Variants in NBPF19 observed in about 807,000 individuals in gnomAD.
NBPF19 encodes the protein NBPF family member NBPF19.
NBPF19 carries 30 observed loss-of-function variants against 45.9 expected under a neutral mutation model. The observed-to-expected ratio is 0.65, with a 90% confidence interval of 0.49 to 0.89. The LOEUF is 0.89. Among genes scored for constraint, NBPF19 ranks in the 40% least tolerant of loss-of-function variants. The pLI, the probability that NBPF19 is intolerant of heterozygous loss-of-function variation, is 0.00. For missense variants in NBPF19, 495 were observed against 471.8 expected (o/e 1.05, Z -0.46); for synonymous variants, 183 against 181.2 (o/e 1.01, Z -0.08).
At position 149,554,638 on chromosome 1, in the gene NBPF19, A is replaced by T; in HGVS notation, c.11432A>T (p.Glu3811Val). The change falls in exon 94 of 94, where the codon GAG (glutamate) becomes GTG (valine). Residue 3811 changes from glutamate to valine, a missense_variant. By Grantham distance (121) the Glu-to-Val change is moderately radical. Around this residue, in one of 8 missense-constraint regions of NBPF19, gnomAD observed 248 missense variants for 95.4 expected, o/e 2.60. Transcript: ENST00000651566. ...AGTGTGTTTTACTCATTTGAGGAAG[A>T]GCATATCAGCTTCGCCCTTTACTTG... ...YRSVFYSFEEEHISFALYLDN... is the reference protein window; with the variant it reads ...YRSVFYSFEEVHISFALYLDN... The T allele has an allele frequency of 6.2e-7, 1 of 1,608,356 alleles. No homozygotes were observed. The highest frequency in any genetic ancestry group is 8.5e-7 in the Non-Finnish European group (1 of 1,176,782).
chr1:149,554,261 C>G (rs2087149825), intron 93 of NBPF19, among the ~76,000 whole-genome samples: 2 of 151,820 alleles, frequency 1.3e-5, no homozygotes, highest in African/African-American at 4.8e-5. Context: ...TTCACTAGGT[C>G]ACTTTCTCTC....
Position 149,554,511 on chromosome 1 carries a change from A to T in NBPF19, c.11305A>T (p.Met3769Leu), listed in dbSNP as rs1297848870. The T allele has an allele frequency of 1.7e-5, 27 of 1,607,992 alleles. 2 individuals carry two copies. In the African/African-American group the frequency reaches 2.4e-4, roughly 14 times the overall value. The change falls in exon 94 of 94, where the codon ATG (methionine) becomes TTG (leucine). Residue 3769 changes from methionine to leucine, a missense_variant. Around this residue, in one of 8 missense-constraint regions of NBPF19, gnomAD observed 248 missense variants for 95.4 expected, o/e 2.60. Coordinates refer to ENST00000651566, the MANE Select transcript of NBPF19 (RefSeq NM_001351365.2). Reference protein sequence around the residue: ...PPCPRLNSVLMEVEEPEVLQD... With the variant: ...PPCPRLNSVLLEVEEPEVLQD... ...CTTTTCCAGGCTCAACAGCGTGCTG[A>T]TGGAAGTGGAAGAGCCTGAAGTCTT...
chr1:149,482,582 T>C (rs2085261502), intron 7 of NBPF19, among the ~76,000 whole-genome samples: 1 of 152,154 alleles, frequency 6.6e-6, no homozygotes. Context: ...TGCTAGCTTT[T>C]GAATTTGTTT....
intron 13 of NBPF19, among the ~76,000 whole-genome samples, chr1:149,490,888 C>G (rs2085821823): frequency 7.8e-6 from 1 of 127,448 alleles, no homozygotes; most frequent in African/African-American, 3.1e-5. Context: ...CTCGTTCTCT[C>G]TCTCTCTCTC....
rs1278229426 is a variant in NBPF19, at chr1:149,554,712, C to G, written c.11506C>G (p.Gln3836Glu). 7 of 1,608,074 alleles carry G rather than the reference C, an allele frequency of 4.4e-6. No homozygotes were observed. In the African/African-American group the frequency reaches 5.4e-5, roughly 12 times the overall value. Residue 3836 changes from glutamine to glutamate, a missense_variant, in exon 94 of 94, where the codon CAG becomes GAG. Gln to Glu is a conservative substitution (Grantham distance 29, BLOSUM62 2). Coordinates refer to ENST00000651566, the MANE Select transcript of NBPF19 (RefSeq NM_001351365.2). Reference protein sequence around the residue: ...LTVTSLHLVFQMLVIFPQ With the variant: ...LTVTSLHLVFEMLVIFPQ Reference sequence around the variant, plus strand: ...GGTGACAAGTCTCCATCTGGTGTTCCAGATGTTAGTCATATTCCCACAATA... The same window carrying G: ...GGTGACAAGTCTCCATCTGGTGTTCGAGATGTTAGTCATATTCCCACAATA...
chr1:149,488,404 T>A lies in NBPF19; in HGVS notation c.1213+219T>A, dbSNP rs1231461938. ...TCTTCCTAGTCTCAGGCCATACCTG[T>A]GGCGCCCTAATCCTACTCTCATGAC... On this transcript the variant is annotated intron_variant, in intron 10 of 93. Transcript: ENST00000651566. Among the ~76,000 whole-genome samples the A allele has an allele frequency of 3.5e-5, 5 of 142,304 alleles. 1 individual carries two copies. Among genetic ancestry groups the A allele is most frequent in the African/African-American group, 1.3e-4 (5 of 37,772 alleles). 93.4% of individuals were successfully genotyped at this position (142,304 alleles called of 152,430 possible).
rs1258975684 is a variant in NBPF19 at position 149,478,055 on chromosome 1, G to C, written c.278+8G>C. ...GCAAGCTGAGGAGCTCAGGTGAGGG[G>C]ACCCCGTGGGGGGAGGGCAGGCGGG... On this transcript the variant is annotated splice_region_variant and intron_variant, in intron 3 of 93. Coordinates refer to ENST00000651566, the MANE Select transcript of NBPF19 (RefSeq NM_001351365.2). 2 of 1,565,010 alleles carry C rather than the reference G, an allele frequency of 1.3e-6. No individual in the cohort carries two copies. Among genetic ancestry groups the C allele is most frequent in the Non-Finnish European group, 1.7e-6 (2 of 1,143,814 alleles).
At chr1:149,528,310 CT>C (rs1394161862) in intron 60 of NBPF19, among the ~76,000 whole-genome samples, 185 bp from the exon 61 acceptor site, 1 of 12,112 alleles carries the variant, frequency 8.3e-5, no homozygotes, top group Non-Finnish European at 1.6e-4. Flanking sequence ...ATATTTCACC[CT>C]TGGTTCTGAG....
chr1:149,554,926 T>A lies in NBPF19; in HGVS notation c.*188T>A. The A allele has an allele frequency of 9.7e-7, 1 of 1,034,254 alleles. No homozygotes were observed. Among genetic ancestry groups the A allele is most frequent in the Non-Finnish European group, 1.4e-6 (1 of 705,732 alleles). 64.1% of individuals were successfully genotyped at this position (1,034,254 alleles called of 1,614,324 possible). On this transcript the variant is annotated 3_prime_UTR_variant, in exon 94 of 94. Coordinates refer to ENST00000651566, the MANE Select transcript of NBPF19 (RefSeq NM_001351365.2). ...TCAGTCTGAAGACAATGGACCCACG[T>A]TAGGTGTGACACGTTCACATAACTG...
At chr1:149,487,608 G>T (rs1239371414) in intron 9 of NBPF19, among the ~76,000 whole-genome samples, 1 of 150,488 alleles carries the variant, frequency 6.6e-6, no homozygotes, top group African/African-American at 2.4e-5. Flanking sequence ...TACCTCAAAA[G>T]CTGTATTCTC....
At chr1:149,494,031 C>CA (rs2085975994) in intron 17 of NBPF19, among the ~76,000 whole-genome samples, 1 of 110,838 alleles carries the variant, frequency 9.0e-6, no homozygotes, top group South Asian at 3.2e-4. Context: ...GGCACTAACT[C>CA]AGAGTGTCCT....
rs1344158970 is a variant in NBPF19 at position 149,491,039 on chromosome 1, C to A, written c.1491-100C>A. 7 of 381,418 alleles carry A rather than the reference C, an allele frequency of 1.8e-5. 1 individual carries two copies. In the Admixed American group the frequency reaches 2.8e-4, roughly 15 times the overall value. The allele number at this position is 381,418 out of a possible 1,614,324, so 23.6% of individuals were successfully genotyped here. ...CCTCATTAATGGATCTATCCTTTTA[C>A]TTTCTTAACCACTTCCCTATGCTAC... On this transcript the variant is annotated intron_variant, in intron 13 of 93. Coordinates refer to ENST00000651566, the MANE Select transcript of NBPF19 (RefSeq NM_001351365.2).
chr1:149,477,075 C>G lies in NBPF19; in HGVS notation c.176-870C>G, dbSNP rs1335318423. 1.0e-4 allele frequency among the ~76,000 whole-genome samples: 15 copies of G among 150,306 alleles called. 1 individual carries two copies. Among genetic ancestry groups the G allele is most frequent in the Non-Finnish European group, 1.8e-4 (12 of 67,212 alleles). ...GATCACACCGGAGAATGTGTGGAAG[C>G]AGCAGTGCAGTGTGCAAAGCAGGGA... On this transcript the variant is annotated intron_variant, in intron 2 of 93. Transcript: ENST00000651566.
intron 5 of NBPF19, 146 bp downstream of exon 5, chr1:149,480,360 G>T (rs1266804676): frequency 1.0e-5 from 9 of 872,870 alleles, no homozygotes; most frequent in Non-Finnish European, 1.7e-5. Flanking sequence ...TTAGACACAG[G>T]GTGCGGTAGC....
rs1490537552 is a variant in NBPF19, at chr1:149,490,994, A to G, written c.1491-145A>G. On this transcript the variant is annotated intron_variant, in intron 13 of 93. Transcript: ENST00000651566. The stretch of plus-strand genomic sequence containing the variant: ...CCATTTGGCCCTGTTCTGTCCCAAC[A>G]TGAAGGCAATAATTTGTTACCTCAT... 28 of 535,230 alleles carry G rather than the reference A, an allele frequency of 5.2e-5. 3 individuals are homozygous for G. Among genetic ancestry groups the G allele is most frequent in the Non-Finnish European group, 7.9e-5 (25 of 314,702 alleles). 33.2% of individuals were successfully genotyped at this position (535,230 alleles called of 1,614,324 possible). A position where few individuals can be genotyped will look rare whatever the true frequency, so the allele number is the denominator to read the frequency against.
intron 7 of NBPF19, among the ~76,000 whole-genome samples, chr1:149,483,550 T>C (rs1375128283): frequency 6.7e-6 from 1 of 149,126 alleles, no homozygotes; most frequent in Non-Finnish European, 1.5e-5. Context: ...AATATTGTTA[T>C]GTGTGAATTT....
In NBPF19 at chr1:149,478,063, G is replaced by T. The variant is rs1231811427; in HGVS notation, c.278+16G>T. On this transcript the variant is annotated intron_variant, in intron 3 of 93. Coordinates refer to ENST00000651566, the MANE Select transcript of NBPF19 (RefSeq NM_001351365.2). ...AGGAGCTCAGGTGAGGGGACCCCGT[G>T]GGGGGAGGGCAGGCGGGTAGGTGTG... The T allele has an allele frequency of 2.0e-4, 319 of 1,566,360 alleles. 9 individuals are homozygous for T. The Admixed American group carries it at 2.4e-3, about 12-fold the overall frequency.
rs1361263574 is a variant in NBPF19 at position 149,556,294 on chromosome 1, T to C, written c.*1556T>C. 2 of 149,594 alleles carry C rather than the reference T, an allele frequency of 1.3e-5. No individual in the cohort carries two copies. Among genetic ancestry groups the C allele is most frequent in the African/African-American group, 4.9e-5 (2 of 40,784 alleles). 9.3% of individuals were successfully genotyped at this position (149,594 alleles called of 1,614,324 possible). ...GGATTGTTTTTTACATTCAGTGTTA[T>C]AATATTTGATTATGCTGATTGGTTT... On this transcript the variant is annotated 3_prime_UTR_variant, in exon 94 of 94. Coordinates refer to ENST00000651566, the MANE Select transcript of NBPF19 (RefSeq NM_001351365.2).
intron 37 of NBPF19, among the ~76,000 whole-genome samples, chr1:149,509,932 CTGTGTGTG>C (rs1196755542): frequency 2.0e-3 from 11 of 5,460 alleles, no homozygotes; most frequent in Non-Finnish European, 2.5e-3. Flanking sequence ...CTCTCTCTCT[CTGTGTGTG>C]TGTGTGTGTG....
Sources: gnomAD v4.1 joint callset for allele counts (sites outside exome capture counted in the v4.1 genomes callset) on GRCh38, gnomAD v4.1.1 for gene constraint, gnomAD v4.1.1 regional missense constraint, MANE v1.5 for transcripts, NCBI Gene and HGNC (gene_info 2026-07-23, HGNC 2026-07-21) for gene names.